FMN2: variants seen among roughly 807,000 people sequenced by gnomAD.
The protein encoded by FMN2 is formin-2.
A neutral mutation model predicts 142.3 loss-of-function variants in FMN2; 51 were observed. The ratio of observed to expected loss-of-function variants is 0.36; its 90% CI spans 0.29 to 0.45. FMN2 has a LOEUF of 0.45. Ranked by LOEUF, FMN2 falls within the 20% of genes least tolerant of loss-of-function variation. The pLI is 1.00. For synonymous variants in FMN2, 882 were observed against 869.8 expected (o/e 1.01, Z -0.25); for missense variants, 1,936 against 2,122.8 (o/e 0.91, Z 1.73).
chr1:240,362,365 G>A (rs1463495357), intron 14 of FMN2, among the ~76,000 whole-genome samples: 1 of 152,032 alleles, frequency 6.6e-6, no homozygotes, highest in Non-Finnish European at 1.5e-5. Flanking sequence ...ATCTCCAGAT[G>A]GTCATTCAGC....
chr1:240,360,175 T>A (rs1265502360), intron 14 of FMN2, among the ~76,000 whole-genome samples: 26 of 152,240 alleles, frequency 1.7e-4, no homozygotes, highest in Non-Finnish European at 1.5e-5. Context: ...TTTCTCTATT[T>A]CTGAGATTTG....
intron 3 of FMN2, among the ~76,000 whole-genome samples, chr1:240,187,112 A>G (rs1422274959): frequency 6.6e-6 from 1 of 150,968 alleles, no homozygotes; most frequent in African/African-American, 2.4e-5. Context: ...CAAAAAAAAA[A>G]AAAAAAAATT....
chr1:240,313,704 A>G (rs533069410), intron 8 of FMN2, among the ~76,000 whole-genome samples: 3 of 152,312 alleles, frequency 2.0e-5, no homozygotes, highest in East Asian at 3.9e-4. Context: ...ACGGTGGCTC[A>G]TACCTGTAAT....
intron 1 of FMN2, among the ~76,000 whole-genome samples, chr1:240,107,042 G>C (rs1661642126): frequency 1.3e-5 from 2 of 151,706 alleles, no homozygotes; most frequent in East Asian, 3.9e-4. Flanking sequence ...TCCATTGACT[G>C]TAGGAACACA....
intron 16 of FMN2, among the ~76,000 whole-genome samples, chr1:240,466,625 A>G (rs773133537): frequency 2.6e-5 from 4 of 152,200 alleles, no homozygotes; most frequent in South Asian, 2.1e-4. Context: ...GTCATTACCA[A>G]TCAACAATTT....
chr1:240,392,318 C>T (rs914539886), intron 14 of FMN2, among the ~76,000 whole-genome samples, 193 bp from the exon 15 acceptor site: 12 of 151,952 alleles, frequency 7.9e-5, no homozygotes, highest in Admixed American at 7.9e-4. Context: ...ATAATAAGAT[C>T]AACTTAATTA....
intron 2 of FMN2, among the ~76,000 whole-genome samples, chr1:240,138,552 C>G (rs959415627): frequency 4.0e-5 from 6 of 151,314 alleles, no homozygotes; most frequent in Middle Eastern, 3.4e-3. Flanking sequence ...AAAAAAAATA[C>G]AAACATTAGT....
chr1:240,256,660 A>G (rs1668460475), intron 6 of FMN2, among the ~76,000 whole-genome samples: 1 of 151,746 alleles, frequency 6.6e-6, no homozygotes, highest in Non-Finnish European at 1.5e-5. Context: ...CTGAGTCACG[A>G]GACTCACTTG....
At chr1:240,252,578 C>T (rs1347708216) in intron 6 of FMN2, among the ~76,000 whole-genome samples, 3 of 146,020 alleles carry the variant, frequency 2.1e-5, no homozygotes, top group Non-Finnish European at 4.5e-5. Context: ...TTGAATATAT[C>T]ATTCAGTTCT....
Position 240,373,101 on chromosome 1 carries a change from T to C in FMN2, c.4858+17193T>C, listed in dbSNP as rs371095616. 2.6e-5 allele frequency among the ~76,000 whole-genome samples: 4 copies of C among 152,168 alleles called. No individual in the cohort carries two copies. The South Asian group carries it at 6.2e-4, about 24-fold the overall frequency. On this transcript the variant is annotated intron_variant, in intron 14 of 17. Transcript: ENST00000319653. ...CAGGAGGCTGAGGCAGGAGAATCGC[T>C]TGAACCCAGGAGGTGGAGTTTGCAG...
At chr1:240,307,486 A>C (rs1350108771) in intron 8 of FMN2, among the ~76,000 whole-genome samples, 1 of 152,208 alleles carries the variant, frequency 6.6e-6, no homozygotes, top group Non-Finnish European at 1.5e-5. Context: ...TCACAACACC[A>C]TTGATTGAAC....
At chr1:240,359,102 G>A (rs1169659239) in intron 14 of FMN2, among the ~76,000 whole-genome samples, 1 of 152,118 alleles carries the variant, frequency 6.6e-6, no homozygotes, top group African/African-American at 2.4e-5. Context: ...TCCAGCCTGG[G>A]CAACAGAGCA....
chr1:240,351,952 G>A (rs1459836705), intron 13 of FMN2, among the ~76,000 whole-genome samples: 1 of 152,102 alleles, frequency 6.6e-6, no homozygotes, highest in Non-Finnish European at 1.5e-5. Flanking sequence ...ATGAATAAAA[G>A]GACAGTTATT....
intron 1 of FMN2, among the ~76,000 whole-genome samples, chr1:240,111,077 AACAGGTAACATTTAT>A (rs767608202): frequency 2.3e-4 from 35 of 152,186 alleles, no homozygotes; most frequent in Non-Finnish European, 4.0e-4. Context: ...TCATAATAAT[AACAGGTAACATTTAT>A]TGGGTACTGT....
At chr1:240,339,608 T>C (rs187783352) in intron 13 of FMN2, among the ~76,000 whole-genome samples, 21 of 152,250 alleles carry the variant, frequency 1.4e-4, no homozygotes, top group African/African-American at 5.1e-4. Flanking sequence ...AAAATTAATA[T>C]CTGTTTAGCA....
At chr1:240,165,166 G>A (rs1664428840) in intron 2 of FMN2, among the ~76,000 whole-genome samples, 1 of 151,962 alleles carries the variant, frequency 6.6e-6, no homozygotes, top group Non-Finnish European at 1.5e-5. Flanking sequence ...GTTATCTGTT[G>A]GCATTTTTTC....
intron 3 of FMN2, among the ~76,000 whole-genome samples, chr1:240,184,308 C>T (rs1477066526): frequency 7.8e-6 from 1 of 128,290 alleles, no homozygotes; most frequent in Non-Finnish European, 1.6e-5. Context: ...GCGATCTCGG[C>T]TCACTGCAAG....
intron 6 of FMN2, among the ~76,000 whole-genome samples, chr1:240,234,835 C>G (rs756447167): frequency 1.3e-5 from 2 of 152,216 alleles, no homozygotes; most frequent in Non-Finnish European, 2.9e-5. Context: ...TTTAGCAAAG[C>G]AATTATATAA....
chr1:240,197,869 A>G (rs962467575), intron 4 of FMN2, among the ~76,000 whole-genome samples: 2 of 152,050 alleles, frequency 1.3e-5, no homozygotes, highest in African/African-American at 2.4e-5. Flanking sequence ...GGGTTTCACC[A>G]TGTTGGCCAG....
Sources: gnomAD v4.1 joint callset for allele counts (sites outside exome capture counted in the v4.1 genomes callset) on GRCh38, gnomAD v4.1.1 for gene constraint, MANE v1.5 for transcripts, NCBI Gene and HGNC (gene_info 2026-07-23, HGNC 2026-07-21) for gene names.